The following CDH18 variants were observed in gnomAD, a reference collection of about 807,000 sequenced individuals.
The protein encoded by CDH18 is cadherin 18, also known as cadherin-18.
A neutral mutation model predicts 67.9 loss-of-function variants in CDH18; 31 were observed. The ratio of observed to expected loss-of-function variants is 0.46; its 90% CI spans 0.34 to 0.62. The LOEUF (loss-of-function observed/expected upper bound fraction) is 0.62. CDH18 is among the 20% of genes least tolerant of loss of function. CDH18 has a pLI of 0.01. For missense variants in CDH18, 890 were observed against 975.5 expected (o/e 0.91, Z 1.17); for synonymous variants, 362 against 347.2 (o/e 1.04, Z -0.48).
intron 1 of CDH18, among the ~76,000 whole-genome samples, chr5:20,433,139 C>T (rs1220417749): frequency 1.3e-5 from 2 of 150,862 alleles, no homozygotes; most frequent in African/African-American, 4.9e-5. Context: ...AAATTGTGTC[C>T]TTCTCCAATT....
intron 1 of CDH18, among the ~76,000 whole-genome samples, chr5:20,464,813 ACC>A (rs1751526741): frequency 2.6e-5 from 4 of 152,254 alleles, no homozygotes; most frequent in African/African-American, 9.6e-5. Context: ...TATAAATAAA[ACC>A]CTGGGAAATA....
At chr5:19,713,725 C>A (rs1224069684) in intron 5 of CDH18, among the ~76,000 whole-genome samples, 1 of 152,004 alleles carries the variant, frequency 6.6e-6, no homozygotes, top group Non-Finnish European at 1.5e-5. Context: ...GAGAAAAATG[C>A]ATTTAGTTTC....
intron 9 of CDH18, among the ~76,000 whole-genome samples, chr5:19,533,682 T>A (rs564809327): frequency 6.6e-6 from 1 of 152,124 alleles, no homozygotes; most frequent in South Asian, 2.1e-4. Flanking sequence ...AAGAACAGTA[T>A]AAGGTCATGT....
intron 2 of CDH18, among the ~76,000 whole-genome samples, chr5:20,080,664 T>C (rs1198759872): frequency 1.3e-5 from 2 of 151,976 alleles, no homozygotes; most frequent in African/African-American, 4.8e-5. Context: ...TCTTTGAAAG[T>C]AGTAAAACAA....
Position 20,333,609 on chromosome 5 carries a change from C to A in CDH18, c.-579-78104G>T, listed in dbSNP as rs6892623. 6.6e-3 allele frequency among the ~76,000 whole-genome samples: 990 copies of A among 150,338 alleles called. 7 individuals are homozygous for A. The highest frequency in any genetic ancestry group is 0.023 in the African/African-American group (929 of 40,890). On this transcript the variant is annotated intron_variant, in intron 1 of 14. Transcript: ENST00000507958. The stretch of plus-strand genomic sequence containing the variant: ...TCATGTTTATAAAGGTAATCTTTGC[C>A]TTGTTGATATTATGAACAATTTCAT...
intron 2 of CDH18, among the ~76,000 whole-genome samples, chr5:20,070,007 G>A (rs952133249): frequency 6.6e-6 from 1 of 152,156 alleles, no homozygotes; most frequent in African/African-American, 2.4e-5. Flanking sequence ...GGCCATTGTA[G>A]TATCATGCAA....
intron 2 of CDH18, among the ~76,000 whole-genome samples, chr5:19,953,898 A>T (rs550293124): frequency 9.2e-5 from 14 of 152,172 alleles, no homozygotes; most frequent in African/African-American, 3.4e-4. Flanking sequence ...GATTTAATTA[A>T]GCTAGTTACT....
chr5:19,547,400 T>C (rs2127109989), intron 8 of CDH18, among the ~76,000 whole-genome samples: 1 of 152,322 alleles, frequency 6.6e-6, no homozygotes, highest in African/African-American at 2.4e-5. Context: ...GCAGCAACTA[T>C]CAGAAAAGCT....
intron 2 of CDH18, among the ~76,000 whole-genome samples, chr5:20,171,567 TG>T (rs1736713641): frequency 6.6e-6 from 1 of 152,108 alleles, no homozygotes. Context: ...TTAGGTTGTT[TG>T]TTTTTTTCTT....
At chr5:20,265,674 T>C (rs1042529641) in intron 1 of CDH18, among the ~76,000 whole-genome samples, 1 of 152,130 alleles carries the variant, frequency 6.6e-6, no homozygotes, top group Non-Finnish European at 1.5e-5. Context: ...ATAAAAAATA[T>C]AAATATTTTA....
At chr5:20,309,900 G>GA (rs1338599938) in intron 1 of CDH18, among the ~76,000 whole-genome samples, 2 of 151,886 alleles carry the variant, frequency 1.3e-5, no homozygotes, top group African/African-American at 4.8e-5. Context: ...TTCATTTTCA[G>GA]AAAAAAATAA....
intron 2 of CDH18, among the ~76,000 whole-genome samples, chr5:20,145,195 CTTA>C (rs1750547869): frequency 6.6e-6 from 1 of 152,000 alleles, no homozygotes; most frequent in Admixed American, 6.6e-5. Flanking sequence ...AAATTTAAAT[CTTA>C]TTTTTAGTTT....
intron 1 of CDH18, among the ~76,000 whole-genome samples, chr5:20,398,736 C>T (rs985938718): frequency 1.3e-5 from 2 of 150,950 alleles, no homozygotes; most frequent in Non-Finnish European, 2.9e-5. Context: ...CACCACGGCA[C>T]ACGTATACCT....
At chr5:19,482,831 T>C (rs1461311173) in intron 12 of CDH18, among the ~76,000 whole-genome samples, 1 of 152,144 alleles carries the variant, frequency 6.6e-6, no homozygotes, top group African/African-American at 2.4e-5. Flanking sequence ...AAAGTCCTTT[T>C]GTTGTATATT....
intron 1 of CDH18, among the ~76,000 whole-genome samples, chr5:20,482,311 T>A (rs1031282745): frequency 2.0e-5 from 3 of 151,882 alleles, no homozygotes; most frequent in Admixed American, 6.6e-5. Context: ...TTCCAGCAAA[T>A]AAAAGCCTGG....
intron 10 of CDH18, among the ~76,000 whole-genome samples, chr5:19,514,226 TTC>T (rs1459349702): frequency 6.6e-6 from 1 of 152,232 alleles, no homozygotes; most frequent in Non-Finnish European, 1.5e-5. Flanking sequence ...GTGCCACATT[TTC>T]TTAATCCAGT....
rs559043532 is a variant in CDH18 at position 20,367,259 on chromosome 5, C to T, written c.-579-111754G>A. Among the ~76,000 whole-genome samples the T allele has an allele frequency of 7.9e-5, 12 of 152,210 alleles. 1 individual carries two copies. The highest frequency in any genetic ancestry group is 6.2e-4 in the South Asian group (3 of 4,824). ...AGTGTAGGCCTTTAGTAATGCCCCA[C>T]GGGAAAATACTAATGACCTTGGGTT... On this transcript the variant is annotated intron_variant, in intron 1 of 14. Coordinates refer to the CDH18 transcript ENST00000507958.
chr5:20,252,765 G>A (rs1211902880), intron 2 of CDH18, among the ~76,000 whole-genome samples: 1 of 151,824 alleles, frequency 6.6e-6, no homozygotes. Flanking sequence ...GTGAAACCCC[G>A]TCTCTACTAA....
intron 11 of CDH18, among the ~76,000 whole-genome samples, chr5:19,489,392 C>CAT (rs1740956548): frequency 6.6e-6 from 1 of 151,678 alleles, no homozygotes; most frequent in Non-Finnish European, 1.5e-5. Context: ...GGACTACAGG[C>CAT]GCCCGCCACC....
Sources: allele counts gnomAD v4.1 joint callset (sites outside exome capture counted in the v4.1 genomes callset), GRCh38; gene constraint gnomAD v4.1.1; transcripts MANE v1.5; gene names NCBI Gene and HGNC (gene_info 2026-07-23, HGNC 2026-07-21).